CUL5: variants seen among roughly 807,000 people sequenced by gnomAD.
CUL5 encodes cullin-5.
A neutral mutation model predicts 108.8 loss-of-function variants in CUL5; 26 were observed. The ratio of observed to expected loss-of-function variants is 0.24; its 90% CI spans 0.18 to 0.33. The LOEUF is 0.33. CUL5 is among the 10% of genes least tolerant of loss of function. CUL5 has a pLI of 1.00. For missense variants in CUL5, 524 were observed against 909.2 expected (o/e 0.58, Z 5.45); for synonymous variants, 334 against 298.0 (o/e 1.12, Z -1.25).
intron 7 of CUL5, among the ~76,000 whole-genome samples, chr11:108,064,287 G>A (rs528714858): frequency 2.6e-5 from 4 of 152,238 alleles, no homozygotes; most frequent in South Asian, 2.1e-4. Context: ...ATGAACATAC[G>A]GATTTTGTCT....
chr11:108,102,902 CCT>C (rs1864706303), intron 18 of CUL5, among the ~76,000 whole-genome samples: 1 of 152,052 alleles, frequency 6.6e-6, no homozygotes, highest in South Asian at 2.1e-4. Context: ...CTCAAGCAAT[CCT>C]CTTTCTTCAG....
At chr11:108,045,860 T>TA (rs1401800807) in intron 2 of CUL5, among the ~76,000 whole-genome samples, 1 of 152,014 alleles carries the variant, frequency 6.6e-6, no homozygotes, top group African/African-American at 2.4e-5. Flanking sequence ...ACCCTGTCTC[T>TA]AAAAAATAAA....
intron 1 of CUL5, among the ~76,000 whole-genome samples, chr11:108,033,348 C>T (rs571767714): frequency 3.9e-5 from 6 of 152,238 alleles, no homozygotes; most frequent in Admixed American, 2.6e-4. Flanking sequence ...TGTTGAGTGA[C>T]CCCCTGTGAC....
At chr11:108,051,312 A>C (rs1863214746) in intron 4 of CUL5, among the ~76,000 whole-genome samples, 1 of 152,202 alleles carries the variant, frequency 6.6e-6, no homozygotes, top group Admixed American at 6.5e-5. Flanking sequence ...AGCAGCATCC[A>C]CTTAGTGATT....
intron 2 of CUL5, among the ~76,000 whole-genome samples, chr11:108,036,722 G>C (rs1449452963): frequency 2.6e-5 from 4 of 152,170 alleles, no homozygotes; most frequent in African/African-American, 9.7e-5. Flanking sequence ...AAAGTTACCT[G>C]CCCACCTTGG....
intron 1 of CUL5, among the ~76,000 whole-genome samples, chr11:108,011,828 A>G (rs1862064829): frequency 6.6e-6 from 1 of 152,178 alleles, no homozygotes; most frequent in Non-Finnish European, 1.5e-5. Context: ...GGGTTTCACC[A>G]TGTTGGCTAG....
intron 11 of CUL5, among the ~76,000 whole-genome samples, chr11:108,080,607 G>T (rs1864054926): frequency 6.6e-6 from 1 of 152,026 alleles, no homozygotes; most frequent in African/African-American, 2.4e-5. Context: ...TGTTGACCAG[G>T]ATGGTCTCAA....
At chr11:108,072,518 T>A in intron 9 of CUL5, 56 bp downstream of exon 9, 1 of 1,478,552 alleles carries the variant, frequency 6.8e-7, no homozygotes, top group Non-Finnish European at 9.3e-7. Flanking sequence ...TTTTTAAATG[T>A]AGGATTATTG....
chr11:108,014,476 T>C (rs1862132372), intron 1 of CUL5, among the ~76,000 whole-genome samples: 1 of 152,192 alleles, frequency 6.6e-6, no homozygotes, highest in Non-Finnish European at 1.5e-5. Flanking sequence ...TACTGAGGAA[T>C]ATTTGAAAAA....
At position 108,097,707 on chromosome 11, in the gene CUL5, C is replaced by T. The variant is rs772484778; in HGVS notation, c.1977C>T (p.Asp659=). 6.2e-7 allele frequency: 1 copy of T among 1,613,342 alleles called. No homozygotes were observed. The highest frequency in any genetic ancestry group is 8.5e-7 in the Non-Finnish European group (1 of 1,179,508). Residue 659 remains aspartate (D), a synonymous_variant, in exon 17 of 19, where the codon GAC becomes GAT. Transcript: ENST00000393094. ...LYEPQVNSPK[D]FTEGTLFSVN... ...AACCTCAAGTCAACTCACCCAAAGACTTTACAGAAGGTACCCTCTTCTCAG... is the reference window on the plus strand; with the variant it reads ...AACCTCAAGTCAACTCACCCAAAGATTTTACAGAAGGTACCCTCTTCTCAG...
chr11:108,095,259 C>T (rs553374612), intron 15 of CUL5, among the ~76,000 whole-genome samples: 1 of 152,144 alleles, frequency 6.6e-6, no homozygotes, highest in African/African-American at 2.4e-5. Context: ...GTAGCTTACA[C>T]CTTTCATTAG....
chr11:108,052,424 A>AT (rs916704465), intron 4 of CUL5, among the ~76,000 whole-genome samples: 1 of 151,032 alleles, frequency 6.6e-6, no homozygotes, highest in Admixed American at 6.6e-5. Flanking sequence ...ACACTGGGCT[A>AT]TTTTTTTTGT....
chr11:108,017,369 G>A (rs1862222279), intron 1 of CUL5, among the ~76,000 whole-genome samples: 1 of 109,690 alleles, frequency 9.1e-6, no homozygotes, highest in African/African-American at 3.6e-5. Context: ...CAGACTGGGC[G>A]ACAAAGCAAG....
At chr11:108,090,766 T>C (rs1471324370) in intron 13 of CUL5, among the ~76,000 whole-genome samples, 1 of 151,992 alleles carries the variant, frequency 6.6e-6, no homozygotes, top group East Asian at 1.9e-4. Flanking sequence ...TCCACATATA[T>C]ATGGAGAGAG....
chr11:108,064,604 G>A (rs1000456117), intron 7 of CUL5, among the ~76,000 whole-genome samples: 2 of 152,092 alleles, frequency 1.3e-5, no homozygotes, highest in Non-Finnish European at 1.5e-5. Context: ...CAGCTACTCG[G>A]GAGGCTAAGG....
At chr11:108,093,450 A>G (rs1169565067) in intron 13 of CUL5, among the ~76,000 whole-genome samples, 2 of 152,192 alleles carry the variant, frequency 1.3e-5, no homozygotes, top group Admixed American at 1.3e-4. Context: ...TGGCATTGTC[A>G]GCCTTACTAC....
intron 2 of CUL5, among the ~76,000 whole-genome samples, chr11:108,038,291 C>T (rs1862796917): frequency 6.6e-6 from 1 of 152,042 alleles, no homozygotes; most frequent in African/African-American, 2.4e-5. Context: ...TCTGAGTACT[C>T]CTGACTTAGA....
At chr11:108,073,272 T>G in intron 9 of CUL5, 118 bp from the exon 10 acceptor site, 1 of 587,548 alleles carries the variant, frequency 1.7e-6, no homozygotes, top group Non-Finnish European at 3.0e-6. Context: ...TTAGTTTTAT[T>G]TTTAAGAAAA....
intron 2 of CUL5, 37 bp from the exon 3 acceptor site, chr11:108,046,233 C>T (rs1288537115): frequency 1.4e-6 from 2 of 1,383,836 alleles, no homozygotes; most frequent in East Asian, 4.6e-5. Flanking sequence ...GTTCTTGTTT[C>T]ATTATTAATG....
Sources: allele counts gnomAD v4.1 joint callset (sites outside exome capture counted in the v4.1 genomes callset), GRCh38; gene constraint gnomAD v4.1.1; transcripts MANE v1.5; gene names NCBI Gene and HGNC (gene_info 2026-07-23, HGNC 2026-07-21).